CD1B: variants seen among roughly 807,000 people sequenced by gnomAD.
CD1B encodes T-cell surface glycoprotein CD1b.
Under a neutral mutation model 39.8 loss-of-function variants are expected in CD1B, and 43 were observed. The observed-to-expected ratio is 1.08, with a 90% CI of 0.85 to 1.39. CD1B has a LOEUF of 1.39. CD1B is among the 40% of genes most tolerant of loss of function. CD1B has a pLI of 0.00. For missense variants in CD1B, 495 were observed against 403.8 expected, an observed-to-expected ratio of 1.23 and a Z score of -1.94; for synonymous variants, 192 against 152.5, an observed-to-expected ratio of 1.26 and a Z score of -1.91.
chr1:158,309,969 C>G, the CD1B span, among the ~76,000 whole-genome samples: 3 of 135,866 alleles, frequency 2.2e-5, no homozygotes, highest in Non-Finnish European at 4.6e-5. Context: ...TACCCTAAAA[C>G]TTAACGTATA....
the CD1B span, among the ~76,000 whole-genome samples, chr1:158,308,566 C>T: frequency 6.6e-6 from 1 of 152,128 alleles, no homozygotes; most frequent in Non-Finnish European, 1.5e-5. Flanking sequence ...CATCACACTA[C>T]CTGACTTCAA....
At chr1:158,325,613 T>C (rs1398122357), downstream of CD1B, among the ~76,000 whole-genome samples, 1 of 151,864 alleles carries the variant, frequency 6.6e-6, no homozygotes, top group East Asian at 1.9e-4. Flanking sequence ...AAGATATATC[T>C]AGCTATCTGT....
At chr1:158,330,196 C>A in intron 2 of CD1B, 66 bp from the exon 3 acceptor site, 1 of 1,455,718 alleles carries the variant, frequency 6.9e-7, no homozygotes, top group Non-Finnish European at 9.3e-7. Context: ...GAGAAAAGAA[C>A]CTAGGATTTT....
the CD1B span, among the ~76,000 whole-genome samples, chr1:158,300,284 T>G: frequency 1.3e-5 from 2 of 152,180 alleles, no homozygotes; most frequent in Non-Finnish European, 2.9e-5. Flanking sequence ...TGTAGTTGTG[T>G]GGTTTTGAGT....
rs1652542934 is a variant in CD1B, at chr1:158,330,223, A to G, written c.329-93T>C. ...TAGGATTTTAGATTTTGGTGGGGAT[A>G]AAGTTATTTGGTGTAAAATGATGAT... is the stretch of plus-strand genomic sequence containing the variant. On this transcript the variant is annotated intron_variant, in intron 2 of 5. Transcript: ENST00000368168. 2.9e-5 allele frequency: 34 copies of G among 1,180,212 alleles called. No individual in the cohort carries two copies. In the South Asian group the frequency reaches 4.9e-4, roughly 17 times the overall value. The allele number at this position is 1,180,212 out of a possible 1,614,324, so 73.1% of individuals were successfully genotyped here.
At chr1:158,320,694 T>A in the CD1B span, among the ~76,000 whole-genome samples, 6 of 151,910 alleles carry the variant, frequency 3.9e-5, no homozygotes, top group African/African-American at 1.2e-4. Context: ...CCTCCATAGG[T>A]TTTTGTGTGT....
the CD1B span, among the ~76,000 whole-genome samples, chr1:158,288,469 A>G: frequency 6.6e-6 from 1 of 152,226 alleles, no homozygotes; most frequent in East Asian, 1.9e-4. Context: ...ATGGCTCACT[A>G]CAGCCCTGAC....
the CD1B span, among the ~76,000 whole-genome samples, chr1:158,316,477 A>G: frequency 6.6e-6 from 1 of 151,768 alleles, no homozygotes; most frequent in East Asian, 1.9e-4. Context: ...TTGGTGTATA[A>G]GAATGCTTGT....
chr1:158,291,492 C>T, the CD1B span: 4 of 1,261,780 alleles, frequency 3.2e-6, no homozygotes, highest in African/African-American at 5.9e-5. Context: ...TTCCCATTAT[C>T]CCATCCCACC....
At chr1:158,292,908 T>G in the CD1B span, 17 of 1,606,982 alleles carry the variant, frequency 1.1e-5, no homozygotes, top group Admixed American at 1.7e-5. Context: ...AGGTAGGTGG[T>G]TCTTGAGCCT....
At chr1:158,313,817 C>T in the CD1B span, among the ~76,000 whole-genome samples, 1 of 152,074 alleles carries the variant, frequency 6.6e-6, no homozygotes, top group South Asian at 2.1e-4. Flanking sequence ...TAATGGGAGA[C>T]TTTAAACTAT....
In CD1B at chr1:158,329,460, T is replaced by C. The variant is rs1652494648; in HGVS notation, c.796A>G (p.Thr266Ala). ...NANWTWYLRA[T>A]LDVADGEAAG... ...GCCTCCCCATCTGCCACATCCAGGG[T>C]TGCTCGGAGATACCATGTCCAGTTA... is the stretch of plus-strand genomic sequence containing the variant. Residue 266 changes from threonine to alanine, a missense_variant, in exon 4 of 6, where the codon ACC (threonine) becomes GCC (alanine). Thr to Ala is a moderately conservative substitution (Grantham distance 58, BLOSUM62 0). Transcript: ENST00000368168. The C allele has an allele frequency of 1.9e-6, 3 of 1,614,116 alleles. No homozygotes were observed. Among genetic ancestry groups the C allele is most frequent in the African/African-American group, 1.3e-5 (1 of 75,016 alleles).
chr1:158,315,944 G>C, the CD1B span, among the ~76,000 whole-genome samples: 4 of 151,814 alleles, frequency 2.6e-5, no homozygotes, highest in Non-Finnish European at 5.9e-5. Context: ...TTTTTCTCAG[G>C]TTTGTCAAAG....
chr1:158,311,440 G>A, the CD1B span, among the ~76,000 whole-genome samples: 2 of 152,036 alleles, frequency 1.3e-5, no homozygotes, highest in Admixed American at 6.6e-5. Flanking sequence ...CTTTGGATAC[G>A]TAGTTTGCAG....
At chr1:158,292,027 T>C in the CD1B span, 1 of 1,534,024 alleles carries the variant, frequency 6.5e-7, no homozygotes, top group Admixed American at 2.0e-5. Flanking sequence ...TAGGTTTTTA[T>C]ACTGTTGTTT....
At chr1:158,294,131 CAGAG>C in the CD1B span, among the ~76,000 whole-genome samples, 3 of 152,114 alleles carry the variant, frequency 2.0e-5, no homozygotes, top group Non-Finnish European at 4.4e-5. Context: ...TGCAAATAGA[CAGAG>C]AGTGTGCAAG....
chr1:158,330,394 G>A (rs376095833), intron 2 of CD1B: 73 of 571,906 alleles, frequency 1.3e-4, no homozygotes, highest in South Asian at 7.9e-4. Flanking sequence ...GCAGTCAGGA[G>A]TGCAGCATTC....
chr1:158,323,474 C>T (rs145561264), downstream of CD1B, among the ~76,000 whole-genome samples: 288 of 152,234 alleles, frequency 1.9e-3, 1 homozygote, highest in African/African-American at 6.7e-3. Context: ...TTCTGCATCA[C>T]TTTAGGGTTT....
At chr1:158,290,355 A>G in the CD1B span, among the ~76,000 whole-genome samples, 4 of 152,096 alleles carry the variant, frequency 2.6e-5, no homozygotes, top group Admixed American at 2.6e-4. Flanking sequence ...TTCAATTTCC[A>G]TTTCCTCTCC....
Sources: gnomAD v4.1 joint callset for allele counts (sites outside exome capture counted in the v4.1 genomes callset) on GRCh38, gnomAD v4.1.1 for gene constraint, MANE v1.5 for transcripts, NCBI Gene and HGNC (gene_info 2026-07-23, HGNC 2026-07-21) for gene names.